RIN3: variants seen among roughly 807,000 people sequenced by gnomAD.
The protein encoded by RIN3 is RAB5 interacting protein 3.
In RIN3, 54 loss-of-function variants were observed where a neutral mutation model predicts 76.3. That is an observed-to-expected ratio of 0.71 (90% confidence interval 0.57 to 0.89). RIN3 has a LOEUF of 0.89. RIN3 is among the 40% of genes least tolerant of loss of function. The probability of loss-of-function intolerance (pLI) is 0.00; values close to 1 mark genes in which losing one functional copy is unlikely to be tolerated. For missense variants in RIN3, 1,256 were observed against 1,322.1 expected, an observed-to-expected ratio of 0.95 and a Z score of 0.78; for synonymous variants, 576 against 564.0, an observed-to-expected ratio of 1.02 and a Z score of -0.30.
chr14:92,685,291 A>G lies in RIN3; in HGVS notation c.2631+141A>G. 1 of 875,942 alleles carries G rather than the reference A, an allele frequency of 1.1e-6. No homozygotes were observed. Among genetic ancestry groups the G allele is most frequent in the Non-Finnish European group, 1.7e-6 (1 of 587,292 alleles). The allele number at this position is 875,942 out of a possible 1,614,324, so 54.3% of individuals were successfully genotyped here. A position where few individuals can be genotyped will look rare whatever the true frequency, so the allele number is the denominator to read the frequency against. On this transcript the variant is annotated intron_variant, in intron 9 of 9. Transcript: ENST00000216487. This position sits in a 1 kb window ranked among gnomAD's most constrained non-coding sequence, Gnocchi z 4.7. Reference sequence around the variant, plus strand: ...TTAGGGGAGCAGTGAGACTCCCCACACCAGAGGAAGGGCCCCCAGCCCCTG... The same window carrying G: ...TTAGGGGAGCAGTGAGACTCCCCACGCCAGAGGAAGGGCCCCCAGCCCCTG...
rs1269708285 is a variant in RIN3, at chr14:92,652,604, G to A, written c.1555G>A (p.Ala519Thr). 1.2e-6 allele frequency: 2 copies of A among 1,611,176 alleles called. No homozygotes were observed. Among genetic ancestry groups the A allele is most frequent in the Non-Finnish European group, 1.7e-6 (2 of 1,179,844 alleles). Reference sequence around the variant, plus strand: ...TCAGCACCCTCCTGCCCAGGCCACTGCCCATTCCCAGAGCTCTCCAGAGTT... The same window carrying A: ...TCAGCACCCTCCTGCCCAGGCCACTACCCATTCCCAGAGCTCTCCAGAGTT... ...GTQHPPAQAT[A>T]HSQSSPEFKG... Residue 519 changes from alanine to threonine, a missense_variant, in exon 6 of 10, where the codon GCC becomes ACC. By Grantham distance (58) the Ala-to-Thr change is moderately conservative. Around this residue, in one of 3 missense-constraint regions of RIN3, gnomAD observed 428 missense variants for 521.2 expected, o/e 0.82. Transcript: ENST00000216487. The surrounding 1 kb of genome is among the most constrained non-coding windows in gnomAD (Gnocchi z 6.4).
chr14:92,541,384 C>T (rs1274152035), intron 1 of RIN3, among the ~76,000 whole-genome samples: 1 of 152,198 alleles, frequency 6.6e-6, no homozygotes, highest in Admixed American at 6.5e-5. Flanking sequence ...CTGTGCTGCT[C>T]AGGGCACACC....
intron 1 of RIN3, among the ~76,000 whole-genome samples, chr14:92,518,095 C>T (rs868413738): frequency 6.6e-6 from 1 of 152,220 alleles, no homozygotes; most frequent in South Asian, 2.1e-4. Context: ...GGGCTCACCT[C>T]TTCCATGTAG....
Position 92,513,859 on chromosome 14 carries a change from G to C in RIN3, c.-74G>C. 8.9e-7 allele frequency: 1 copy of C among 1,126,510 alleles called. No homozygotes were observed. The highest frequency in any genetic ancestry group is 1.1e-6 in the Non-Finnish European group (1 of 888,254). The allele number at this position is 1,126,510 out of a possible 1,614,324, so 69.8% of individuals were successfully genotyped here. On this transcript the variant is annotated 5_prime_UTR_variant, in exon 1 of 10. Coordinates refer to ENST00000216487, the MANE Select transcript of RIN3 (RefSeq NM_024832.5). ...GAGGGCCAGAGCCAGGGACATGCGG[G>C]CGCCCGGGACTCCGCGTTCCGCGCG... is the stretch of plus-strand genomic sequence containing the variant.
At chr14:92,515,354 T>G (rs1595381549) in intron 1 of RIN3, 2 of 669,778 alleles carry the variant, frequency 3.0e-6, no homozygotes, top group Non-Finnish European at 5.4e-6. Context: ...GAAGGGGAGG[T>G]GAGGGGCCAG....
At position 92,555,822 on chromosome 14, in the gene RIN3, A is replaced by G. The variant is rs1897559908; in HGVS notation, c.116A>G (p.Asn39Ser). The G allele has an allele frequency of 6.2e-7, 1 of 1,614,048 alleles. No individual in the cohort carries two copies. Among genetic ancestry groups the G allele is most frequent in the Non-Finnish European group, 8.5e-7 (1 of 1,180,038 alleles). ...EDGMRLCLPA[N>S]PKNCLPHRRG... ...GGCATGCGGCTTTGTCTGCCAGCCA[A>G]CCCGAAAAACTGCCTTCCTCACCGC... The change falls in exon 2 of 10, where the codon AAC becomes AGC. Residue 39 changes from asparagine to serine, a missense_variant. Coordinates refer to ENST00000216487, the MANE Select transcript of RIN3 (RefSeq NM_024832.5).
rs1052143379 is a variant in RIN3, at chr14:92,602,543, T to C, written c.368-12864T>C. ...CTTCCTGAGCCTCAGTTTCCTCACC[T>C]ATTAAAGGTAGATAATGGAGTTGTC... On this transcript the variant is annotated intron_variant, in intron 3 of 9. Transcript: ENST00000216487. 2.0e-5 allele frequency among the ~76,000 whole-genome samples: 3 copies of C among 152,294 alleles called. No homozygotes were observed. The East Asian group carries it at 5.8e-4, about 29-fold the overall frequency.
At chr14:92,583,683 G>C (rs1172030484) in intron 3 of RIN3, among the ~76,000 whole-genome samples, 1 of 152,206 alleles carries the variant, frequency 6.6e-6, no homozygotes, top group Non-Finnish European at 1.5e-5. Context: ...ATGATTTAAA[G>C]CAGAGCTCCC....
rs3033757 is a variant in RIN3 at position 92,543,618 on chromosome 14, CTTTT to C, written c.45-12110_45-12107del. 5.7e-3 allele frequency among the ~76,000 whole-genome samples: 483 copies of C among 84,880 alleles called. 6 individuals are homozygous for C. Among genetic ancestry groups the C allele is most frequent in the Non-Finnish European group, 8.3e-3 (390 of 46,952 alleles). The allele number at this position is 84,880 out of a possible 152,430, so 55.7% of individuals were successfully genotyped here. A position where few individuals can be genotyped will look rare whatever the true frequency, so the allele number is the denominator to read the frequency against. On this transcript the variant is annotated intron_variant, in intron 1 of 9. Transcript: ENST00000216487. ...CAATTGCTACACATCAAGGCTTTTG[CTTTT>C]TTTTTTTTTTTTTTTTTTTTTTAAA...
At chr14:92,651,490 C>G in intron 5 of RIN3, 92 bp from the exon 6 acceptor site, 1 of 556,154 alleles carries the variant, frequency 1.8e-6, no homozygotes, top group Non-Finnish European at 3.1e-6. Context: ...ACAGCCCTCC[C>G]ACCCGTGGAC....
intron 1 of RIN3, among the ~76,000 whole-genome samples, chr14:92,546,651 T>C (rs559850299): frequency 2.0e-5 from 3 of 152,314 alleles, no homozygotes; most frequent in African/African-American, 7.2e-5. Flanking sequence ...GCATTTCTTC[T>C]CTTTTAAATT....
Position 92,623,914 on chromosome 14 carries a change from T to C in RIN3, c.440+8435T>C, listed in dbSNP as rs1234931070. 1.3e-5 allele frequency among the ~76,000 whole-genome samples: 2 copies of C among 152,172 alleles called. No individual in the cohort carries two copies. On this transcript the variant is annotated intron_variant, in intron 4 of 9. Transcript: ENST00000216487. This position sits in a 1 kb window ranked among gnomAD's most constrained non-coding sequence, Gnocchi z 4.9. ...CCCTCGGGGGCTCACCCTCAAGGTG[T>C]TGAGTTTCAGGGAATAGCACAGAGA...
intron 1 of RIN3, among the ~76,000 whole-genome samples, chr14:92,548,378 T>C (rs1341046960): frequency 6.6e-6 from 1 of 152,222 alleles, no homozygotes; most frequent in Non-Finnish European, 1.5e-5. Context: ...CCTCTGTGTC[T>C]TCACCTTTAC....
In RIN3 at chr14:92,648,203, G is replaced by A. The variant is rs941688561; in HGVS notation, c.533-3379G>A. Among the ~76,000 whole-genome samples, 5 of 151,640 alleles carry A rather than the reference G, an allele frequency of 3.3e-5. No individual in the cohort carries two copies. The highest frequency in any genetic ancestry group is 1.2e-4 in the African/African-American group (5 of 41,338). ...CTCCTGGCTTCCCCCACTCCTTGGA[G>A]TCACATTGGCTTTGAGAACTTTGCC... On this transcript the variant is annotated intron_variant, in intron 5 of 9. Transcript: ENST00000216487. The surrounding 1 kb of genome is among the most constrained non-coding windows in gnomAD (Gnocchi z 4.1).
Position 92,520,560 on chromosome 14 carries a change from G to T in RIN3, c.44+6584G>T, listed in dbSNP as rs953833864. On this transcript the variant is annotated intron_variant, in intron 1 of 9. Coordinates refer to ENST00000216487, the MANE Select transcript of RIN3 (RefSeq NM_024832.5). The stretch of plus-strand genomic sequence containing the variant: ...CCTCCCGACTGACATTTAACACGGG[G>T]TGTCAGGCACTGATGCGAAAGCCTG... Among the ~76,000 whole-genome samples the T allele has an allele frequency of 7.9e-5, 12 of 152,348 alleles. No individual in the cohort carries two copies. The East Asian group carries it at 2.3e-3, about 29-fold the overall frequency.
intron 4 of RIN3, among the ~76,000 whole-genome samples, chr14:92,639,713 T>C (rs1886917780): frequency 6.6e-6 from 1 of 152,204 alleles, no homozygotes; most frequent in Non-Finnish European, 1.5e-5. Context: ...GGCCCCTGTT[T>C]CCCCATTAGT....
In RIN3 at chr14:92,604,266, G is replaced by A. The variant is rs184876859; in HGVS notation, c.368-11141G>A. Reference sequence around the variant, plus strand: ...CTCCCCAGCTGGGAACCAGTCCCCAGCCCCTTGTCACTTTGACTTTTTATC... The same window carrying A: ...CTCCCCAGCTGGGAACCAGTCCCCAACCCCTTGTCACTTTGACTTTTTATC... On this transcript the variant is annotated intron_variant, in intron 3 of 9. Coordinates refer to ENST00000216487, the MANE Select transcript of RIN3 (RefSeq NM_024832.5). Among the ~76,000 whole-genome samples, 578 of 152,254 alleles carry A rather than the reference G, an allele frequency of 3.8e-3. 6 individuals are homozygous for A. The highest frequency in any genetic ancestry group is 0.013 in the African/African-American group (547 of 41,552).
chr14:92,531,366 C>T (rs1896875270), intron 1 of RIN3, among the ~76,000 whole-genome samples: 1 of 152,250 alleles, frequency 6.6e-6, no homozygotes, highest in Admixed American at 6.5e-5. Flanking sequence ...TAACCTCTCA[C>T]TCTTGAAAAC....
At chr14:92,566,223 C>T (rs999170155) in intron 2 of RIN3, among the ~76,000 whole-genome samples, 2 of 152,174 alleles carry the variant, frequency 1.3e-5, no homozygotes, top group Non-Finnish European at 2.9e-5. Flanking sequence ...CTTCAGTTCC[C>T]ACTGTGTTCC....
Sources: gnomAD v4.1 joint callset for allele counts (sites outside exome capture counted in the v4.1 genomes callset) on GRCh38, gnomAD v4.1.1 for gene constraint, gnomAD v4.1.1 regional missense constraint, Gnocchi (gnomAD v3.1) non-coding constraint, MANE v1.5 for transcripts, NCBI Gene and HGNC (gene_info 2026-07-23, HGNC 2026-07-21) for gene names.